YIPF1: variants seen among roughly 807,000 people sequenced by gnomAD.
YIPF1 encodes protein YIPF1.
YIPF1 carries 22 observed loss-of-function variants against 37.0 expected under a neutral mutation model. The observed-to-expected ratio is 0.59, with a 90% CI of 0.42 to 0.85. The LOEUF is 0.85. Among genes scored for constraint, YIPF1 ranks in the 40% least tolerant of loss-of-function variants. The pLI is 0.00. For synonymous variants in YIPF1, 128 were observed against 131.9 expected (o/e 0.97, Z 0.21); for missense variants, 355 against 373.1 (o/e 0.95, Z 0.40).
rs1438997376 is a variant in YIPF1, at chr1:53,871,035, AAG to A, written c.481+335_481+336del. On this transcript the variant is annotated intron_variant, in intron 7 of 10. Coordinates refer to ENST00000072644, the MANE Select transcript of YIPF1 (RefSeq NM_018982.5). ...CTCAAAAAAAAAAAAAAAAAAAAAAAAGGAATAAACTGCAGTTGCTATTCGGC... is the reference window on the plus strand; with the variant it reads ...CTCAAAAAAAAAAAAAAAAAAAAAAAGAATAAACTGCAGTTGCTATTCGGC... Among the ~76,000 whole-genome samples, 59 of 151,030 alleles carry A rather than the reference AAG, an allele frequency of 3.9e-4. 1 individual carries two copies. Among genetic ancestry groups the A allele is most frequent in the African/African-American group, 1.4e-3 (56 of 41,004 alleles).
At chr1:53,885,743 A>T (rs1160903176) in intron 3 of YIPF1, among the ~76,000 whole-genome samples, 3 of 150,678 alleles carry the variant, frequency 2.0e-5, no homozygotes, top group Non-Finnish European at 4.4e-5. Context: ...ATCGCTTGAA[A>T]TGGGAGGTGA....
chr1:53,866,143 G>T, intron 9 of YIPF1, 57 bp downstream of exon 9: 1 of 1,571,932 alleles, frequency 6.4e-7, no homozygotes, highest in South Asian at 1.2e-5. Flanking sequence ...AACAGTTTGA[G>T]GTCTTTTAGC....
chr1:53,868,344 C>T (rs1305813540), intron 7 of YIPF1, among the ~76,000 whole-genome samples: 1 of 152,128 alleles, frequency 6.6e-6, no homozygotes, highest in Non-Finnish European at 1.5e-5. Context: ...TCCATGGGTT[C>T]TAGTTCTAGG....
At chr1:53,872,223 C>T (rs1324723115) in intron 6 of YIPF1, among the ~76,000 whole-genome samples, 2 of 152,170 alleles carry the variant, frequency 1.3e-5, no homozygotes, top group East Asian at 3.8e-4. Context: ...GGCTCTCTAT[C>T]TTTCCTCCCT....
chr1:53,881,090 C>A (rs1180251765), intron 4 of YIPF1, among the ~76,000 whole-genome samples: 2 of 151,738 alleles, frequency 1.3e-5, no homozygotes, highest in East Asian at 3.9e-4. Flanking sequence ...TGGTGAAACC[C>A]CGTCTCTACT....
chr1:53,878,312 T>TAC lies in YIPF1; in HGVS notation c.364+1_364+2dup. The TAC allele has an allele frequency of 2.5e-6, 4 of 1,613,622 alleles. No homozygotes were observed. The highest frequency in any genetic ancestry group is 3.4e-6 in the Non-Finnish European group (4 of 1,179,828). Reference sequence around the variant, plus strand: ...ACGGTAAACAAATCAGTACTAAACATACCATAGAGATCTGGATTGCTGCGG... The same window carrying TAC: ...ACGGTAAACAAATCAGTACTAAACATACACCATAGAGATCTGGATTGCTGCGG... On this transcript the variant is annotated splice_region_variant and intron_variant, in intron 6 of 10. Transcript: ENST00000072644.
chr1:53,887,422 G>A (rs1362350997), intron 3 of YIPF1, among the ~76,000 whole-genome samples: 1 of 151,930 alleles, frequency 6.6e-6, no homozygotes, highest in African/African-American at 2.4e-5. Flanking sequence ...GGAAGGTTCT[G>A]AAAGAATGAC....
At position 53,871,360 on chromosome 1, in the gene YIPF1, C is replaced by G. The variant is rs1259278266; in HGVS notation, c.481+12G>C. On this transcript the variant is annotated intron_variant, in intron 7 of 10. Transcript: ENST00000072644. ...CTGACAGCATTCCAAATGAGTCAAGCTATTCACCAACCTTTTCGGAATTCG... is the reference window on the plus strand; with the variant it reads ...CTGACAGCATTCCAAATGAGTCAAGGTATTCACCAACCTTTTCGGAATTCG... The G allele has an allele frequency of 6.2e-7, 1 of 1,610,424 alleles. No individual in the cohort carries two copies. The highest frequency in any genetic ancestry group is 1.7e-5 in the Admixed American group (1 of 59,854).
rs1649606522 is a variant in YIPF1, at chr1:53,852,007, ATGCCTAACCTAT to A, written c.*260_*271del. On this transcript the variant is annotated 3_prime_UTR_variant, in exon 11 of 11. Transcript: ENST00000072644. ...TGGTGGCAAAGGGACGGCACTGAGC[ATGCCTAACCTAT>A]TCCCTGGCATTTCAGTCCAATCAGC... 6.6e-6 allele frequency: 1 copy of A among 152,246 alleles called. No homozygotes were observed. The highest frequency in any genetic ancestry group is 2.1e-4 in the South Asian group (1 of 4,834). The allele number at this position is 152,246 out of a possible 1,614,324, so 9.4% of individuals were successfully genotyped here. A position where few individuals can be genotyped will look rare whatever the true frequency, so the allele number is the denominator to read the frequency against.
intron 9 of YIPF1, 101 bp from the exon 10 acceptor site, chr1:53,860,254 C>T: frequency 2.0e-6 from 2 of 1,025,338 alleles, no homozygotes; most frequent in Non-Finnish European, 1.4e-6. Flanking sequence ...CTCTCACAGC[C>T]CCTAAGTTCT....
intron 7 of YIPF1, among the ~76,000 whole-genome samples, chr1:53,867,948 C>T (rs1354702089): frequency 1.3e-5 from 2 of 152,214 alleles, no homozygotes; most frequent in African/African-American, 4.8e-5. Flanking sequence ...TTTCCCTCTT[C>T]TGGAGTGGAG....
chr1:53,855,673 T>C (rs553754396), intron 10 of YIPF1, among the ~76,000 whole-genome samples: 3 of 152,240 alleles, frequency 2.0e-5, no homozygotes, highest in Non-Finnish European at 4.4e-5. Flanking sequence ...GCCACACAGG[T>C]TTGTAGCCTA....
At chr1:53,853,477 G>T (rs1649646257) in intron 10 of YIPF1, among the ~76,000 whole-genome samples, 1 of 152,186 alleles carries the variant, frequency 6.6e-6, no homozygotes, top group Non-Finnish European at 1.5e-5. Context: ...GGAAAGAGGG[G>T]CTGGAGATAG....
chr1:53,871,226 T>G (rs1305080298), intron 7 of YIPF1, 146 bp downstream of exon 7: 1 of 622,194 alleles, frequency 1.6e-6, no homozygotes, highest in East Asian at 2.7e-5. Context: ...GGTAAACTCA[T>G]CTACACATTT....
chr1:53,869,160 TCA>T (rs55922911), intron 7 of YIPF1, among the ~76,000 whole-genome samples: 2,102 of 137,958 alleles, frequency 0.015, 23 homozygotes, highest in East Asian at 0.069. Flanking sequence ...TCTCTCTCTC[TCA>T]CACACACACA....
chr1:53,870,271 A>T (rs1650150566), intron 7 of YIPF1, among the ~76,000 whole-genome samples: 1 of 147,698 alleles, frequency 6.8e-6, no homozygotes, highest in Non-Finnish European at 1.5e-5. Flanking sequence ...TCTGGGCTCA[A>T]GTCATCCTCC....
intron 9 of YIPF1, among the ~76,000 whole-genome samples, chr1:53,863,335 T>C (rs1345248811): frequency 6.6e-6 from 1 of 152,198 alleles, no homozygotes; most frequent in African/African-American, 2.4e-5. Context: ...CTGTGGGACC[T>C]TGGACCACTC....
intron 6 of YIPF1, 40 bp from the exon 7 acceptor site, chr1:53,871,528 A>C: frequency 1.4e-6 from 2 of 1,463,250 alleles, no homozygotes; most frequent in Non-Finnish European, 1.9e-6. Context: ...AAGAAAATGA[A>C]GCATAAGCCT....
At chr1:53,869,160 T>TCTCTCTCTCTCACACACA (rs911930860) in intron 7 of YIPF1, among the ~76,000 whole-genome samples, 3 of 138,054 alleles carry the variant, frequency 2.2e-5, no homozygotes, top group African/African-American at 8.4e-5. Context: ...TCTCTCTCTC[T>TCTCTCTCTCTCACACACA]CACACACACA....
Sources: gnomAD v4.1 joint callset for allele counts (sites outside exome capture counted in the v4.1 genomes callset) on GRCh38, gnomAD v4.1.1 for gene constraint, MANE v1.5 for transcripts, NCBI Gene and HGNC (gene_info 2026-07-23, HGNC 2026-07-21) for gene names.